ATXN7L1: variants seen among roughly 807,000 people sequenced by gnomAD.
The protein encoded by ATXN7L1 is ataxin 7 like 1.
Under a neutral mutation model 70.8 loss-of-function variants are expected in ATXN7L1, and 15 were observed. That is an observed-to-expected ratio of 0.21 (90% CI 0.14 to 0.33). ATXN7L1 has a LOEUF of 0.33. Among genes scored for constraint, ATXN7L1 ranks in the 10% least tolerant of loss-of-function variants. ATXN7L1 has a pLI of 1.00. For synonymous variants in ATXN7L1, 440 were observed against 445.1 expected, an observed-to-expected ratio of 0.99 and a Z score of 0.14; for missense variants, 975 against 1,097.1, an observed-to-expected ratio of 0.89 and a Z score of 1.57.
chr7:105,756,391 A>G (rs58715513), intron 3 of ATXN7L1, among the ~76,000 whole-genome samples: 2,010 of 152,332 alleles, frequency 0.013, 42 homozygotes, highest in African/African-American at 0.046. Context: ...GTGATTTATG[A>G]AAAAGAAATA....
Position 105,614,171 on chromosome 7 carries a change from C to T in ATXN7L1, c.2163G>A (p.Ser721=), listed in dbSNP as rs900782665. The part of the protein sequence containing the change: ...SAKLEPSGRT[S]LPGGPADIVR... Reference sequence around the variant, plus strand: ...CTATGTCCGCGGGGCCGCCGGGCAGCGAGGTCCGTCCTGAGGGCTCCAGTT... The same window carrying T: ...CTATGTCCGCGGGGCCGCCGGGCAGTGAGGTCCGTCCTGAGGGCTCCAGTT... The change falls in exon 10 of 12, where the codon TCG becomes TCA. Residue 721 remains serine, a synonymous_variant. Coordinates refer to ENST00000419735, the MANE Select transcript of ATXN7L1 (RefSeq NM_020725.2). This position sits in a 1 kb window ranked among gnomAD's most constrained non-coding sequence, Gnocchi z 4.3. 13 of 1,551,582 alleles carry T rather than the reference C, an allele frequency of 8.4e-6. No homozygotes were observed. The highest frequency in any genetic ancestry group is 5.2e-6 in the Non-Finnish European group (6 of 1,147,014).
intron 3 of ATXN7L1, among the ~76,000 whole-genome samples, chr7:105,701,517 T>C (rs1696757763): frequency 6.6e-6 from 1 of 152,170 alleles, no homozygotes; most frequent in African/African-American, 2.4e-5. Context: ...TGCATTCCTT[T>C]TATAATAAGA....
intron 2 of ATXN7L1, among the ~76,000 whole-genome samples, chr7:105,793,069 C>CT (rs1554465584): frequency 1.3e-5 from 2 of 152,242 alleles, no homozygotes; most frequent in Non-Finnish European, 2.9e-5. Flanking sequence ...CCCGGATACT[C>CT]TGACTCTAAA....
intron 3 of ATXN7L1, among the ~76,000 whole-genome samples, chr7:105,702,010 C>T (rs1297501743): frequency 3.9e-5 from 6 of 152,360 alleles, no homozygotes; most frequent in African/African-American, 1.4e-4. Flanking sequence ...GGCTATGGGC[C>T]TCTCCAGCCT....
At chr7:105,867,964 G>A (rs1379243752) in intron 2 of ATXN7L1, among the ~76,000 whole-genome samples, 1 of 152,194 alleles carries the variant, frequency 6.6e-6, no homozygotes, top group African/African-American at 2.4e-5. Flanking sequence ...GAAGCATCTG[G>A]CTCAAACCAT....
intron 2 of ATXN7L1, among the ~76,000 whole-genome samples, chr7:105,801,825 T>C (rs1171210723): frequency 1.3e-5 from 2 of 152,044 alleles, no homozygotes; most frequent in African/African-American, 4.8e-5. Flanking sequence ...ACAGTGGGAG[T>C]AGTTACACCT....
intron 2 of ATXN7L1, among the ~76,000 whole-genome samples, chr7:105,873,210 C>A (rs1278957392): frequency 6.6e-6 from 1 of 152,146 alleles, no homozygotes; most frequent in South Asian, 2.1e-4. Context: ...AAAATCGGAA[C>A]CACTTCCCTT....
rs912034247 is a variant in ATXN7L1 at position 105,613,934 on chromosome 7, G to A, written c.2400C>T (p.Ser800=). 1.9e-5 allele frequency: 29 copies of A among 1,552,166 alleles called. No homozygotes were observed. Among genetic ancestry groups the A allele is most frequent in the Non-Finnish European group, 2.2e-5 (25 of 1,147,096 alleles). Residue 800 remains serine, a synonymous_variant, in exon 10 of 12, where the codon AGC becomes AGT. Coordinates refer to ENST00000419735, the MANE Select transcript of ATXN7L1 (RefSeq NM_020725.2). ...CKITKMPGMN[S]VHKKNPPSLL... is the part of the protein sequence containing the mutation. ...GGCTGGGCGGGTTCTTTTTGTGAAC[G>A]CTATTCATACCAGGCATTTTAGTGA...
At chr7:105,755,315 A>T (rs1799679699) in intron 3 of ATXN7L1, among the ~76,000 whole-genome samples, 1 of 152,204 alleles carries the variant, frequency 6.6e-6, no homozygotes, top group African/African-American at 2.4e-5. Context: ...TGGCACTTTC[A>T]GGGGCAACAG....
intron 2 of ATXN7L1, among the ~76,000 whole-genome samples, chr7:105,845,452 T>C (rs1488526660): frequency 7.2e-6 from 1 of 138,102 alleles, no homozygotes; most frequent in Non-Finnish European, 1.6e-5. Flanking sequence ...CTAATGTTGC[T>C]AAGATGGTTT....
chr7:105,867,909 A>T (rs535276544), intron 2 of ATXN7L1, among the ~76,000 whole-genome samples: 36 of 152,310 alleles, frequency 2.4e-4, no homozygotes, highest in Middle Eastern at 3.4e-3. Context: ...GAGGCGCAAG[A>T]TGCGGCTCAG....
At chr7:105,841,237 C>G (rs1014915023) in intron 2 of ATXN7L1, among the ~76,000 whole-genome samples, 4 of 152,198 alleles carry the variant, frequency 2.6e-5, no homozygotes, top group Non-Finnish European at 4.4e-5. Flanking sequence ...ACCGCAGGTT[C>G]TGCAGTTGAA....
chr7:105,689,233 A>C (rs1790410545), intron 3 of ATXN7L1, among the ~76,000 whole-genome samples: 1 of 152,186 alleles, frequency 6.6e-6, no homozygotes, highest in Admixed American at 6.5e-5. Flanking sequence ...GGATCAATTA[A>C]GTTTAAACAG....
At chr7:105,611,900 C>T (rs377297620) in intron 10 of ATXN7L1, among the ~76,000 whole-genome samples, 10 of 152,320 alleles carry the variant, frequency 6.6e-5, no homozygotes, top group East Asian at 5.8e-4. Context: ...GTGATAAAGC[C>T]TTTTCTTAAT....
intron 3 of ATXN7L1, among the ~76,000 whole-genome samples, chr7:105,786,179 G>A (rs1804273000): frequency 6.6e-6 from 1 of 152,230 alleles, no homozygotes; most frequent in African/African-American, 2.4e-5. Flanking sequence ...TTGTCAGCTT[G>A]TTCAGCAAGA....
chr7:105,841,851 C>T (rs1040901859), intron 2 of ATXN7L1, among the ~76,000 whole-genome samples: 1 of 152,178 alleles, frequency 6.6e-6, no homozygotes, highest in East Asian at 1.9e-4. Context: ...ATTCAGACAT[C>T]CACTGGGGGT....
intron 3 of ATXN7L1, among the ~76,000 whole-genome samples, chr7:105,779,231 T>C (rs1335524993): frequency 6.6e-6 from 1 of 152,238 alleles, no homozygotes; most frequent in Admixed American, 6.5e-5. Flanking sequence ...GAGTGTGAGA[T>C]AAAGATAACA....
At chr7:105,691,397 C>T (rs1584742199) in intron 3 of ATXN7L1, among the ~76,000 whole-genome samples, 1 of 152,056 alleles carries the variant, frequency 6.6e-6, no homozygotes, top group East Asian at 1.9e-4. Context: ...GCACATACAC[C>T]GCCGTTTCTC....
At chr7:105,747,705 G>GAAC (rs1263201956) in intron 3 of ATXN7L1, among the ~76,000 whole-genome samples, 2 of 152,196 alleles carry the variant, frequency 1.3e-5, no homozygotes, top group East Asian at 3.9e-4. Context: ...CACCCTATGG[G>GAAC]ATCTGATGCG....
Sources: allele counts gnomAD v4.1 joint callset (sites outside exome capture counted in the v4.1 genomes callset), GRCh38; gene constraint gnomAD v4.1.1; non-coding constraint Gnocchi (gnomAD v3.1); transcripts MANE v1.5; gene names NCBI Gene and HGNC (gene_info 2026-07-23, HGNC 2026-07-21).